The following PARD3B variants were observed in gnomAD, a reference collection of about 807,000 sequenced individuals.
PARD3B encodes the protein par-3 family cell polarity regulator beta.
In PARD3B, 103 loss-of-function variants were observed where a neutral mutation model predicts 130.2. The ratio of observed to expected loss-of-function variants is 0.79; its 90% CI spans 0.67 to 0.93. The LOEUF (loss-of-function observed/expected upper bound fraction) is 0.93, where lower values mean the gene tolerates loss of function less well. Among genes scored for constraint, PARD3B ranks in the 40% least tolerant of loss-of-function variants. The pLI is 0.00. For missense variants in PARD3B, 1,609 were observed against 1,499.2 expected, an observed-to-expected ratio of 1.07 and a Z score of -1.21; for synonymous variants, 583 against 553.2, an observed-to-expected ratio of 1.05 and a Z score of -0.76.
intron 1 of PARD3B, among the ~76,000 whole-genome samples, chr2:204,670,892 T>C (rs1351584559): frequency 2.0e-5 from 3 of 152,216 alleles, no homozygotes; most frequent in African/African-American, 4.8e-5. Context: ...AAAATGTCTC[T>C]TACTGCAATC....
intron 18 of PARD3B, among the ~76,000 whole-genome samples, chr2:205,359,856 A>C (rs1466889500): frequency 1.3e-5 from 2 of 152,194 alleles, no homozygotes; most frequent in African/African-American, 4.8e-5. Context: ...GGAACTGAGG[A>C]AATTTCTCTG....
At chr2:204,624,866 T>G (rs1303597490) in intron 1 of PARD3B, among the ~76,000 whole-genome samples, 1 of 152,132 alleles carries the variant, frequency 6.6e-6, no homozygotes. Flanking sequence ...GTATAAGAGA[T>G]CCAGTGTTTC....
intron 2 of PARD3B, among the ~76,000 whole-genome samples, chr2:204,732,535 C>T (rs1174334596): frequency 1.4e-5 from 2 of 146,188 alleles, no homozygotes; most frequent in East Asian, 4.0e-4. Context: ...GACGGAGTCT[C>T]GCTCTGTCGC....
At chr2:205,220,170 C>A (rs2038162762) in intron 15 of PARD3B, among the ~76,000 whole-genome samples, 1 of 152,112 alleles carries the variant, frequency 6.6e-6, no homozygotes, top group African/African-American at 2.4e-5. Flanking sequence ...AAACACAAAT[C>A]TGATCATGTC....
chr2:205,130,306 A>G (rs1368551898), intron 10 of PARD3B, among the ~76,000 whole-genome samples: 1 of 152,220 alleles, frequency 6.6e-6, no homozygotes, highest in East Asian at 1.9e-4. Context: ...ATGCTAGTTA[A>G]TCAACTGGTG....
At chr2:204,923,576 T>C (rs961579606) in intron 2 of PARD3B, among the ~76,000 whole-genome samples, 2 of 152,026 alleles carry the variant, frequency 1.3e-5, no homozygotes, top group Admixed American at 1.3e-4. Flanking sequence ...TAAAATTTCA[T>C]ATGGAGGTGG....
intron 16 of PARD3B, among the ~76,000 whole-genome samples, chr2:205,285,595 C>T (rs781016835): frequency 6.6e-6 from 1 of 152,200 alleles, no homozygotes; most frequent in Admixed American, 6.5e-5. Context: ...CCCATGAGCA[C>T]TCTGCAGTGG....
chr2:204,944,599 A>G (rs1453059742), intron 2 of PARD3B, among the ~76,000 whole-genome samples: 2 of 152,186 alleles, frequency 1.3e-5, no homozygotes, highest in Non-Finnish European at 2.9e-5. Flanking sequence ...CAGCTAATCA[A>G]CTATTTTATA....
intron 2 of PARD3B, among the ~76,000 whole-genome samples, chr2:204,782,348 GTA>G (rs1191347774): frequency 6.7e-6 from 1 of 149,026 alleles, no homozygotes; most frequent in African/African-American, 2.5e-5. Context: ...TGTATGTGTT[GTA>G]TATGTTATAT....
rs549679464 is a variant in PARD3B at position 204,821,741 on chromosome 2, G to T, written c.222+135459G>T. 4.6e-5 allele frequency among the ~76,000 whole-genome samples: 7 copies of T among 151,668 alleles called. No homozygotes were observed. In the South Asian group the frequency reaches 1.5e-3, roughly 32 times the overall value. On this transcript the variant is annotated intron_variant, in intron 2 of 22. Coordinates refer to ENST00000406610, the MANE Select transcript of PARD3B (RefSeq NM_001302769.2). ...AAAAAAAATAAAAAAAATAGAAATGGGCATTTCCCTGCACAAGCTCTCTGT... is the reference window on the plus strand; with the variant it reads ...AAAAAAAATAAAAAAAATAGAAATGTGCATTTCCCTGCACAAGCTCTCTGT...
intron 2 of PARD3B, among the ~76,000 whole-genome samples, chr2:204,724,798 T>C (rs1574821036): frequency 1.6e-5 from 2 of 128,136 alleles, no homozygotes; most frequent in African/African-American, 6.1e-5. Flanking sequence ...ATTATGTTGC[T>C]GAAAAAGTAA....
intron 2 of PARD3B, among the ~76,000 whole-genome samples, chr2:204,708,383 G>A (rs1373760013): frequency 1.3e-5 from 2 of 152,072 alleles, no homozygotes; most frequent in East Asian, 3.9e-4. Context: ...TCATATAGAA[G>A]AACTAATATA....
intron 3 of PARD3B, among the ~76,000 whole-genome samples, chr2:204,997,082 T>C (rs1308315397): frequency 6.6e-6 from 1 of 152,176 alleles, no homozygotes; most frequent in East Asian, 1.9e-4. Context: ...GAGCTGTTCC[T>C]ATTCGGCCAT....
At chr2:205,126,245 A>G (rs552923013) in intron 10 of PARD3B, among the ~76,000 whole-genome samples, 1 of 152,326 alleles carries the variant, frequency 6.6e-6, no homozygotes, top group Non-Finnish European at 1.5e-5. Flanking sequence ...GATGAGTTCA[A>G]AAGCCTTATT....
chr2:205,005,060 C>A (rs1695144409), intron 3 of PARD3B, among the ~76,000 whole-genome samples: 1 of 151,996 alleles, frequency 6.6e-6, no homozygotes, highest in Non-Finnish European at 1.5e-5. Flanking sequence ...GTTTTCCTAT[C>A]TTTTTCTCTC....
At chr2:205,428,598 A>G (rs1444666007) in intron 19 of PARD3B, among the ~76,000 whole-genome samples, 2 of 152,170 alleles carry the variant, frequency 1.3e-5, no homozygotes, top group Non-Finnish European at 2.9e-5. Flanking sequence ...TTATTATAGC[A>G]GCTTGATGGG....
chr2:204,554,035 A>T (rs1029862944), intron 1 of PARD3B, among the ~76,000 whole-genome samples: 3 of 152,038 alleles, frequency 2.0e-5, no homozygotes, highest in African/African-American at 7.2e-5. Context: ...CCAATAATTT[A>T]TGGAAATAAA....
At chr2:205,507,488 A>G (rs2050419088) in intron 21 of PARD3B, among the ~76,000 whole-genome samples, 1 of 152,022 alleles carries the variant, frequency 6.6e-6, no homozygotes, top group African/African-American at 2.4e-5. Context: ...TGCTGGGATT[A>G]CAGGCTTGAG....
At chr2:205,126,885 G>A (rs865931073) in intron 10 of PARD3B, among the ~76,000 whole-genome samples, 4 of 150,778 alleles carry the variant, frequency 2.7e-5, no homozygotes, top group South Asian at 4.2e-4. Flanking sequence ...ATTTTAAAAC[G>A]TTAACAACTA....
Sources: gnomAD v4.1 joint callset for allele counts (sites outside exome capture counted in the v4.1 genomes callset) on GRCh38, gnomAD v4.1.1 for gene constraint, MANE v1.5 for transcripts, NCBI Gene and HGNC (gene_info 2026-07-23, HGNC 2026-07-21) for gene names.